DCDC1: variants seen among roughly 807,000 people sequenced by gnomAD.
The protein encoded by DCDC1 is doublecortin domain containing 1.
DCDC1 carries 200 observed loss-of-function variants against 178.3 expected under a neutral mutation model. The ratio of observed to expected loss-of-function variants is 1.12; its 90% confidence interval spans 1.00 to 1.26. The LOEUF (loss-of-function observed/expected upper bound fraction) is 1.26, where lower values mean the gene tolerates loss of function less well. Ranked by LOEUF, DCDC1 falls within the 50% of genes most tolerant of loss-of-function variation. The probability of loss-of-function intolerance (pLI) is 0.00; values close to 1 mark genes in which losing one functional copy is unlikely to be tolerated. For missense variants in DCDC1, 1,983 were observed against 1,749.2 expected (o/e 1.13, Z -2.38); for synonymous variants, 690 against 604.8 (o/e 1.14, Z -2.07).
At chr11:31,025,540 G>C (rs528580776) in intron 20 of DCDC1, among the ~76,000 whole-genome samples, 1 of 151,448 alleles carries the variant, frequency 6.6e-6, no homozygotes, top group African/African-American at 2.4e-5. Context: ...TCCTGTTTAG[G>C]GGCAAAAGTA....
In DCDC1 at chr11:30,906,604, A is replaced by AT; in HGVS notation, c.4039dup (p.Ile1347AsnfsTer22). ...GGGCTTCTGAGTCTTGGTGCCTGAAATACAGAGGAATGGAACCCCTGGAAG... is the reference window on the plus strand; with the variant it reads ...GGGCTTCTGAGTCTTGGTGCCTGAAATTACAGAGGAATGGAACCCCTGGAAG... On this transcript the variant is annotated frameshift_variant, in exon 30 of 39. Coordinates refer to ENST00000684477, the MANE Select transcript of DCDC1 (RefSeq NM_001387274.1). LOFTEE classifies it high-confidence loss of function. The AT allele has an allele frequency of 6.2e-7, 1 of 1,613,464 alleles. No individual in the cohort carries two copies. Among genetic ancestry groups the AT allele is most frequent in the Admixed American group, 1.7e-5 (1 of 59,946 alleles).
intron 9 of DCDC1, among the ~76,000 whole-genome samples, chr11:31,168,109 T>C (rs551894484): frequency 2.6e-5 from 4 of 152,338 alleles, no homozygotes; most frequent in African/African-American, 9.6e-5. Context: ...TTGTGAATCA[T>C]GCTTTGATGA....
chr11:31,061,889 G>A (rs973589290), intron 20 of DCDC1, among the ~76,000 whole-genome samples: 2 of 151,992 alleles, frequency 1.3e-5, no homozygotes, highest in African/African-American at 4.8e-5. Context: ...CATTAACTGC[G>A]CTGTCTTTTT....
At chr11:31,232,969 C>T (rs1265635255) in intron 9 of DCDC1, among the ~76,000 whole-genome samples, 4 of 151,806 alleles carry the variant, frequency 2.6e-5, no homozygotes, top group Non-Finnish European at 4.4e-5. Context: ...GTGCCTGTAA[C>T]GCCAGCTACT....
intron 20 of DCDC1, among the ~76,000 whole-genome samples, chr11:31,046,480 AT>A (rs939707132): frequency 1.3e-5 from 2 of 152,072 alleles, no homozygotes; most frequent in Non-Finnish European, 2.9e-5. Flanking sequence ...AACACTGAAA[AT>A]TTTTTATACT....
chr11:31,305,574 C>A (rs1052704375), intron 6 of DCDC1, 41 bp downstream of exon 6: 8 of 1,599,368 alleles, frequency 5.0e-6, no homozygotes, highest in Non-Finnish European at 6.8e-6. Context: ...TTAAGCAATT[C>A]AGTATGTGTG....
intron 34 of DCDC1, among the ~76,000 whole-genome samples, chr11:30,894,845 A>C (rs1368353763): frequency 6.6e-6 from 1 of 152,164 alleles, no homozygotes; most frequent in Non-Finnish European, 1.5e-5. Flanking sequence ...AAGAGACAGG[A>C]ATTTTTTTTT....
intron 9 of DCDC1, among the ~76,000 whole-genome samples, chr11:31,176,570 C>T (rs969224854): frequency 6.6e-6 from 1 of 152,100 alleles, no homozygotes; most frequent in Admixed American, 6.6e-5. Context: ...TTATATTCCA[C>T]CCAAAAAGAT....
Position 31,206,559 on chromosome 11 carries a change from A to C in DCDC1, c.1221+34891T>G, listed in dbSNP as rs543375534. ...CTCCGGAGTAGCTGGGATTACAGGCATGCGCCACCACGCCCTGCTATTTTT... is the reference window on the plus strand; with the variant it reads ...CTCCGGAGTAGCTGGGATTACAGGCCTGCGCCACCACGCCCTGCTATTTTT... On this transcript the variant is annotated intron_variant, in intron 9 of 38. Transcript: ENST00000684477. Among the ~76,000 whole-genome samples, 20 of 152,202 alleles carry C rather than the reference A, an allele frequency of 1.3e-4. No homozygotes were observed. In the East Asian group the frequency reaches 3.3e-3, roughly 25 times the overall value.
At chr11:31,306,053 A>G (rs952673772) in intron 5 of DCDC1, among the ~76,000 whole-genome samples, 179 bp downstream of exon 5, 13 of 152,098 alleles carry the variant, frequency 8.5e-5, no homozygotes, top group African/African-American at 2.9e-4. Context: ...CTGTTTATAT[A>G]TTGAATTTTT....
chr11:30,938,879 T>C (rs1947452454), intron 21 of DCDC1, among the ~76,000 whole-genome samples: 3 of 152,162 alleles, frequency 2.0e-5, no homozygotes, highest in Admixed American at 6.5e-5. Context: ...CTTTGTTCCC[T>C]AGGCCTAGAA....
At chr11:31,234,314 T>C (rs1018781224) in intron 9 of DCDC1, among the ~76,000 whole-genome samples, 3 of 152,182 alleles carry the variant, frequency 2.0e-5, no homozygotes, top group Non-Finnish European at 4.4e-5. Context: ...TTTTGCAACA[T>C]ATATAAAATA....
At chr11:31,042,709 C>T (rs1567244) in intron 20 of DCDC1, among the ~76,000 whole-genome samples, 1,999 of 152,196 alleles carry the variant, frequency 0.013, 21 homozygotes, top group Middle Eastern at 0.096. Context: ...AGGAAAGACA[C>T]GGTTGTGGAC....
intron 9 of DCDC1, among the ~76,000 whole-genome samples, chr11:31,149,593 T>C (rs1022015019): frequency 1.1e-4 from 16 of 152,128 alleles, no homozygotes; most frequent in African/African-American, 3.4e-4. Context: ...ATGTTGCTGC[T>C]GCTCACTCTT....
intron 21 of DCDC1, among the ~76,000 whole-genome samples, chr11:30,948,968 C>A (rs887888879): frequency 6.6e-6 from 1 of 152,270 alleles, no homozygotes; most frequent in Middle Eastern, 3.4e-3. Context: ...GACTAAAACA[C>A]CAAAAGCAAT....
intron 21 of DCDC1, among the ~76,000 whole-genome samples, chr11:30,948,936 T>C (rs540424332): frequency 1.2e-3 from 189 of 152,276 alleles, no homozygotes; most frequent in Admixed American, 3.2e-3. Context: ...ATTCAGGACA[T>C]AGGCATGGGA....
rs527802271 is a variant in DCDC1, at chr11:31,164,895, G to A, written c.1222-27111C>T. On this transcript the variant is annotated intron_variant, in intron 9 of 38. Transcript: ENST00000684477. ...TAGAGCAACTTCCAGTCCTGTAAGC[G>A]CCATTCGTGGTAAGTGCCCTGTACA... Among the ~76,000 whole-genome samples, 36 of 152,184 alleles carry A rather than the reference G, an allele frequency of 2.4e-4. No homozygotes were observed. In the East Asian group the frequency reaches 6.0e-3, roughly 25 times the overall value.
intron 8 of DCDC1, among the ~76,000 whole-genome samples, chr11:31,260,823 C>T (rs1944729602): frequency 6.6e-6 from 1 of 152,096 alleles, no homozygotes; most frequent in Non-Finnish European, 1.5e-5. Context: ...TTAAAACCTC[C>T]CTCGAAATCA....
At chr11:30,947,910 G>A (rs547824007) in intron 21 of DCDC1, among the ~76,000 whole-genome samples, 1 of 152,022 alleles carries the variant, frequency 6.6e-6, no homozygotes, top group African/African-American at 2.4e-5. Flanking sequence ...GGGCAAAAGA[G>A]CTGAATAGAC....
Sources: gnomAD v4.1 joint callset for allele counts (sites outside exome capture counted in the v4.1 genomes callset) on GRCh38, gnomAD v4.1.1 for gene constraint, MANE v1.5 for transcripts, NCBI Gene and HGNC (gene_info 2026-07-23, HGNC 2026-07-21) for gene names.